ZNF487: variants seen among roughly 807,000 people sequenced by gnomAD.
ZNF487 encodes the protein KRAB domain only 1.
ZNF487 carries 4 observed loss-of-function variants against 3.0 expected under a neutral mutation model. That is an observed-to-expected ratio of 1.35 (90% CI 0.66 to 3.08). The LOEUF (loss-of-function observed/expected upper bound fraction) is 3.08. Among genes scored for constraint, ZNF487 ranks in the 30% most tolerant of loss-of-function variants. The pLI is 0.01. For synonymous variants in ZNF487, 55 were observed against 34.6 expected (o/e 1.59, Z -2.06); for missense variants, 146 against 98.7 (o/e 1.48, Z -2.03).
downstream of ZNF487, among the ~76,000 whole-genome samples, chr10:43,487,173 T>A (rs1336437782): frequency 6.8e-6 from 1 of 147,568 alleles, no homozygotes; most frequent in Non-Finnish European, 1.5e-5. Context: ...AGAGTCTTGC[T>A]CTATCACCCA....
the ZNF487 span, among the ~76,000 whole-genome samples, chr10:43,522,715 A>G: frequency 6.6e-6 from 1 of 152,288 alleles, no homozygotes; most frequent in African/African-American, 2.4e-5. Flanking sequence ...GCCTGGGCAA[A>G]GAGCTAGATT....
At chr10:43,455,672 G>T (rs1038213282) in intron 1 of ZNF487, among the ~76,000 whole-genome samples, 3 of 152,344 alleles carry the variant, frequency 2.0e-5, no homozygotes, top group South Asian at 4.1e-4. Flanking sequence ...CGCATGCGCG[G>T]CCCATTTCCG....
At chr10:43,520,687 T>C in the ZNF487 span, among the ~76,000 whole-genome samples, 1 of 152,222 alleles carries the variant, frequency 6.6e-6, no homozygotes, top group Non-Finnish European at 1.5e-5. Flanking sequence ...ACTGTAAAGA[T>C]TTATGAAGAT....
the ZNF487 span, among the ~76,000 whole-genome samples, chr10:43,519,094 T>A: frequency 6.6e-6 from 1 of 152,162 alleles, no homozygotes; most frequent in Admixed American, 6.5e-5. Flanking sequence ...CAAAAATTTT[T>A]TTTTTGAGAT....
chr10:43,465,595 C>A (rs1361420790), intron 1 of ZNF487, among the ~76,000 whole-genome samples: 6 of 151,924 alleles, frequency 3.9e-5, no homozygotes, highest in Admixed American at 6.6e-5. Flanking sequence ...TGATGGGCGG[C>A]CGGGCAGAGA....
the ZNF487 span, among the ~76,000 whole-genome samples, chr10:43,512,892 C>T: frequency 6.6e-6 from 1 of 152,168 alleles, no homozygotes; most frequent in Non-Finnish European, 1.5e-5. Context: ...AAGGAATGGT[C>T]AAATGCAGCA....
the ZNF487 span, among the ~76,000 whole-genome samples, chr10:43,497,681 A>G: frequency 0.073 from 11,151 of 152,092 alleles, 552 homozygotes; most frequent in East Asian, 0.2. Flanking sequence ...CATAAGAGAT[A>G]TATAGGCTGG....
At chr10:43,443,781 C>T (rs1238749372) in intron 1 of ZNF487, among the ~76,000 whole-genome samples, 4 of 151,974 alleles carry the variant, frequency 2.6e-5, no homozygotes, top group Non-Finnish European at 4.4e-5. Context: ...AACTCAGCCT[C>T]CCAAAGTGTT....
chr10:43,472,491 C>G (rs1212066029), intron 1 of ZNF487, among the ~76,000 whole-genome samples: 3 of 152,162 alleles, frequency 2.0e-5, no homozygotes, highest in Admixed American at 6.6e-5. Flanking sequence ...GCCTGGATTA[C>G]AGCAACCGTT....
chr10:43,519,392 C>T, the ZNF487 span, among the ~76,000 whole-genome samples: 1 of 152,030 alleles, frequency 6.6e-6, no homozygotes, highest in African/African-American at 2.4e-5. Context: ...AAACTTCAAA[C>T]TTCTGATTTA....
intron 1 of ZNF487, among the ~76,000 whole-genome samples, chr10:43,466,035 A>G (rs2132109112): frequency 6.6e-6 from 1 of 152,330 alleles, no homozygotes; most frequent in East Asian, 1.9e-4. Context: ...AAAAAATACG[A>G]AAACCAGTCA....
At chr10:43,506,411 G>C in the ZNF487 span, among the ~76,000 whole-genome samples, 2 of 152,146 alleles carry the variant, frequency 1.3e-5, no homozygotes, top group Non-Finnish European at 1.5e-5. Flanking sequence ...GGCTGAGGCA[G>C]GGTGATCACT....
At chr10:43,485,051 T>A (rs1409922098), downstream of ZNF487, among the ~76,000 whole-genome samples, 1 of 152,218 alleles carries the variant, frequency 6.6e-6, no homozygotes, top group East Asian at 1.9e-4. Flanking sequence ...TTTAGGAAGT[T>A]GGATCCAGGA....
At chr10:43,511,997 A>G in the ZNF487 span, among the ~76,000 whole-genome samples, 17 of 152,210 alleles carry the variant, frequency 1.1e-4, no homozygotes, top group African/African-American at 3.6e-4. Context: ...TAATCAATAT[A>G]TAATCGCACA....
At chr10:43,466,538 G>C (rs1840713253) in intron 1 of ZNF487, among the ~76,000 whole-genome samples, 1 of 150,904 alleles carries the variant, frequency 6.6e-6, no homozygotes, top group South Asian at 2.1e-4. Context: ...GAGTAGCTGG[G>C]ATTACAGGTG....
At chr10:43,464,142 G>A (rs553781461) in intron 1 of ZNF487, among the ~76,000 whole-genome samples, 8 of 151,124 alleles carry the variant, frequency 5.3e-5, no homozygotes, top group Non-Finnish European at 8.8e-5. Flanking sequence ...CTCTTGTGCC[G>A]AACAGCCCAA....
chr10:43,456,767 G>C (rs1840219304), intron 1 of ZNF487, among the ~76,000 whole-genome samples: 1 of 152,020 alleles, frequency 6.6e-6, no homozygotes. Context: ...TTTTAGTGAA[G>C]ATAGATTTTC....
At chr10:43,440,721 C>G (rs1050196199) in intron 1 of ZNF487, among the ~76,000 whole-genome samples, 2 of 151,570 alleles carry the variant, frequency 1.3e-5, no homozygotes, top group African/African-American at 4.8e-5. Context: ...TTGTGTAGTT[C>G]CGCCTCATGG....
At chr10:43,513,892 G>T in the ZNF487 span, among the ~76,000 whole-genome samples, 6 of 152,316 alleles carry the variant, frequency 3.9e-5, no homozygotes, top group Admixed American at 1.3e-4. Context: ...CAGAGCCAGT[G>T]TCCAGCAGTC....
Sources: gnomAD v4.1 joint callset for allele counts (sites outside exome capture counted in the v4.1 genomes callset) on GRCh38, gnomAD v4.1.1 for gene constraint, MANE v1.5 for transcripts, NCBI Gene and HGNC (gene_info 2026-07-23, HGNC 2026-07-21) for gene names.